Variants in NXPH1 observed in about 807,000 individuals in gnomAD.
NXPH1 encodes neurexophilin 1, also known as neurexophilin-1.
NXPH1 carries 5 observed loss-of-function variants against 23.7 expected under a neutral mutation model. That is an observed-to-expected ratio of 0.21 (90% CI 0.11 to 0.44). NXPH1 has a LOEUF of 0.44. NXPH1 is among the 20% of genes least tolerant of loss of function. The pLI is 0.99. For synonymous variants in NXPH1, 144 were observed against 122.2 expected (o/e 1.18, Z -1.18); for missense variants, 324 against 321.6 (o/e 1.01, Z -0.06).
chr7:8,709,285 G>A (rs1422280805), intron 2 of NXPH1, among the ~76,000 whole-genome samples: 2 of 151,744 alleles, frequency 1.3e-5, no homozygotes, highest in Non-Finnish European at 2.9e-5. Flanking sequence ...TTGTTGATTT[G>A]TATGTCATTC....
At chr7:8,741,223 CTTCT>C (rs906201623) in intron 2 of NXPH1, among the ~76,000 whole-genome samples, 34 of 152,204 alleles carry the variant, frequency 2.2e-4, no homozygotes, top group African/African-American at 7.7e-4. Flanking sequence ...ACAGGATTTC[CTTCT>C]TTCTTAATAA....
chr7:8,715,913 T>C (rs922653072), intron 2 of NXPH1, among the ~76,000 whole-genome samples: 2 of 151,952 alleles, frequency 1.3e-5, no homozygotes, highest in African/African-American at 4.8e-5. Context: ...ATGTGTGTGT[T>C]TGTGTGTGTA....
At chr7:8,645,192 A>G (rs1469615362) in intron 2 of NXPH1, among the ~76,000 whole-genome samples, 1 of 152,184 alleles carries the variant, frequency 6.6e-6, no homozygotes, top group African/African-American at 2.4e-5. Flanking sequence ...AAATAGGGTT[A>G]GAATGATTGA....
rs978712655 is a variant in NXPH1 at position 8,485,146 on chromosome 7, C to T, written c.54+49379C>T. ...AAGGCAATTCAATCACGTGGGCAGGCTTTTCCTGTGCTCTCTTTGTGATAG... is the reference window on the plus strand; with the variant it reads ...AAGGCAATTCAATCACGTGGGCAGGTTTTTCCTGTGCTCTCTTTGTGATAG... On this transcript the variant is annotated intron_variant, in intron 2 of 2. Transcript: ENST00000405863. Among the ~76,000 whole-genome samples the T allele has an allele frequency of 5.3e-5, 8 of 152,110 alleles. No individual in the cohort carries two copies. In the East Asian group the frequency reaches 1.4e-3, roughly 26 times the overall value.
chr7:8,477,257 G>A (rs58461665), intron 2 of NXPH1, among the ~76,000 whole-genome samples: 52,231 of 152,006 alleles, frequency 0.34, 9,995 homozygotes, highest in East Asian at 0.59. Context: ...CCCAAAGACT[G>A]ATATGCTTGT....
chr7:8,685,554 C>A (rs573207829), intron 2 of NXPH1, among the ~76,000 whole-genome samples: 1 of 151,950 alleles, frequency 6.6e-6, no homozygotes, highest in South Asian at 2.1e-4. Context: ...TTGTAAACAG[C>A]GCTACACAAA....
chr7:8,627,213 A>G (rs1355413548), intron 2 of NXPH1, among the ~76,000 whole-genome samples: 2 of 152,072 alleles, frequency 1.3e-5, no homozygotes, highest in African/African-American at 2.4e-5. Context: ...AGCAACTATT[A>G]TTTACATACC....
chr7:8,736,172 T>G (rs1583253663), intron 2 of NXPH1, among the ~76,000 whole-genome samples: 1 of 152,212 alleles, frequency 6.6e-6, no homozygotes, highest in African/African-American at 2.4e-5. Context: ...TTCTGCTAGC[T>G]TTTGAATTTG....
At chr7:8,543,854 A>AT (rs918737547) in intron 2 of NXPH1, among the ~76,000 whole-genome samples, 3 of 151,284 alleles carry the variant, frequency 2.0e-5, no homozygotes, top group South Asian at 2.1e-4. Flanking sequence ...TTAATTTTTA[A>AT]TTTTTTTTCT....
intron 2 of NXPH1, among the ~76,000 whole-genome samples, chr7:8,662,558 A>AT (rs1196441481): frequency 6.6e-5 from 10 of 151,952 alleles, no homozygotes; most frequent in South Asian, 2.1e-4. Flanking sequence ...TTATGTAGGT[A>AT]TTTTTTTTAA....
intron 2 of NXPH1, among the ~76,000 whole-genome samples, chr7:8,484,165 G>A (rs564055943): frequency 5.9e-5 from 9 of 151,928 alleles, no homozygotes; most frequent in Middle Eastern, 3.4e-3. Flanking sequence ...GGGCTACAAC[G>A]GTCACTAAGA....
intron 2 of NXPH1, among the ~76,000 whole-genome samples, chr7:8,670,288 T>A (rs1275040587): frequency 1.3e-5 from 2 of 152,224 alleles, no homozygotes; most frequent in African/African-American, 4.8e-5. Context: ...CTGGAAAATT[T>A]ACTTTTCTGA....
chr7:8,666,793 A>G (rs1324647847), intron 2 of NXPH1, among the ~76,000 whole-genome samples: 1 of 151,990 alleles, frequency 6.6e-6, no homozygotes, highest in African/African-American at 2.4e-5. Flanking sequence ...AATTTATTCT[A>G]GATTATCCAA....
intron 2 of NXPH1, among the ~76,000 whole-genome samples, chr7:8,495,400 G>A (rs1466347576): frequency 1.3e-5 from 2 of 151,788 alleles, no homozygotes; most frequent in East Asian, 3.9e-4. Context: ...CAACATTGAG[G>A]CTTGTGTTTG....
chr7:8,566,127 T>G (rs1584236414), intron 2 of NXPH1, among the ~76,000 whole-genome samples: 1 of 151,788 alleles, frequency 6.6e-6, no homozygotes, highest in Non-Finnish European at 1.5e-5. Context: ...AGCACAGCAT[T>G]GTGTTTTCTG....
chr7:8,569,603 T>C (rs1818610118), intron 2 of NXPH1, among the ~76,000 whole-genome samples: 1 of 151,874 alleles, frequency 6.6e-6, no homozygotes, highest in South Asian at 2.1e-4. Context: ...TAATTAATTT[T>C]TGAAGCTGGA....
intron 2 of NXPH1, among the ~76,000 whole-genome samples, chr7:8,617,606 A>G (rs530273836): frequency 6.6e-6 from 1 of 152,130 alleles, no homozygotes; most frequent in Non-Finnish European, 1.5e-5. Flanking sequence ...CTAAAAATCA[A>G]AACAATTGAA....
chr7:8,530,784 G>T (rs929889502), intron 2 of NXPH1, among the ~76,000 whole-genome samples: 1 of 152,190 alleles, frequency 6.6e-6, no homozygotes, highest in Non-Finnish European at 1.5e-5. Flanking sequence ...CATCTGGTTT[G>T]TACTATAAAG....
At chr7:8,584,619 T>A (rs1039100658) in intron 2 of NXPH1, among the ~76,000 whole-genome samples, 2 of 152,186 alleles carry the variant, frequency 1.3e-5, no homozygotes, top group African/African-American at 4.8e-5. Flanking sequence ...TATGGAAATA[T>A]GATCAGTACC....
Sources: gnomAD v4.1 joint callset for allele counts (sites outside exome capture counted in the v4.1 genomes callset) on GRCh38, gnomAD v4.1.1 for gene constraint, MANE v1.5 for transcripts, NCBI Gene and HGNC (gene_info 2026-07-23, HGNC 2026-07-21) for gene names.